The following CKAP5 variants were observed in gnomAD, a reference collection of about 807,000 sequenced individuals.
The protein encoded by CKAP5 is cytoskeleton-associated protein 5.
In CKAP5, 27 loss-of-function variants were observed where a neutral mutation model predicts 232.8. The observed-to-expected ratio is 0.12, with a 90% CI of 0.09 to 0.16. The LOEUF (loss-of-function observed/expected upper bound fraction) is 0.16, where lower values mean the gene tolerates loss of function less well. CKAP5 is among the 10% of genes least tolerant of loss of function. The pLI is 1.00. For synonymous variants in CKAP5, 785 were observed against 841.1 expected, an observed-to-expected ratio of 0.93 and a Z score of 1.16; for missense variants, 1,838 against 2,424.7, an observed-to-expected ratio of 0.76 and a Z score of 5.08.
chr11:46,786,468 A>G (rs151155009), intron 16 of CKAP5, among the ~76,000 whole-genome samples: 25 of 152,194 alleles, frequency 1.6e-4, no homozygotes, highest in African/African-American at 5.5e-4. Flanking sequence ...ATTTGACTGG[A>G]CTCTGGCTAG....
At chr11:46,781,249 CTT>C (rs1225742368) in intron 18 of CKAP5, among the ~76,000 whole-genome samples, 3 of 152,206 alleles carry the variant, frequency 2.0e-5, no homozygotes, top group Non-Finnish European at 2.9e-5. Flanking sequence ...TTGTCTCTCT[CTT>C]GTTCTATTCT....
At chr11:46,828,420 C>G (rs1388907525) in intron 1 of CKAP5, among the ~76,000 whole-genome samples, 1 of 152,196 alleles carries the variant, frequency 6.6e-6, no homozygotes, top group Non-Finnish European at 1.5e-5. Context: ...ATATTCCCAT[C>G]AAGCTTAACT....
intron 4 of CKAP5, among the ~76,000 whole-genome samples, chr11:46,811,900 C>A (rs746090198): frequency 6.6e-5 from 10 of 152,134 alleles, no homozygotes; most frequent in Non-Finnish European, 1.2e-4. Flanking sequence ...TAAAGTGATT[C>A]ATTTACCTAG....
At chr11:46,800,060 G>A (rs1938991310) in intron 9 of CKAP5, among the ~76,000 whole-genome samples, 1 of 151,712 alleles carries the variant, frequency 6.6e-6, no homozygotes, top group African/African-American at 2.4e-5. Flanking sequence ...GGAAAAAATT[G>A]TTTTTTATCT....
chr11:46,824,514 G>GA (rs1382775832), intron 1 of CKAP5, among the ~76,000 whole-genome samples: 1 of 152,166 alleles, frequency 6.6e-6, no homozygotes, highest in African/African-American at 2.4e-5. Flanking sequence ...TCAAAAGCTG[G>GA]AAACAGTTCA....
chr11:46,833,309 AC>A (rs1455911857), intron 1 of CKAP5, among the ~76,000 whole-genome samples: 1 of 152,158 alleles, frequency 6.6e-6, no homozygotes. Context: ...AGAGTAAAGA[AC>A]AAAAATATGA....
chr11:46,769,673 G>A (rs1018182664), intron 26 of CKAP5, among the ~76,000 whole-genome samples: 7 of 151,830 alleles, frequency 4.6e-5, no homozygotes, highest in African/African-American at 1.7e-4. Context: ...TCCCTCCTGG[G>A]TGACAGAGCA....
At chr11:46,788,302 C>T (rs1399623415) in intron 16 of CKAP5, among the ~76,000 whole-genome samples, 1 of 152,248 alleles carries the variant, frequency 6.6e-6, no homozygotes, top group East Asian at 1.9e-4. Flanking sequence ...AAGCTGGGCG[C>T]GGTGGCTCAC....
rs979927652 is a variant in CKAP5, at chr11:46,744,978, T to C, written c.5705-401A>G. ...AGATTAAGTTTGGACCAATGTCACATAGGAGAAACTCATTTGAACCTGTGA... is the reference window on the plus strand; with the variant it reads ...AGATTAAGTTTGGACCAATGTCACACAGGAGAAACTCATTTGAACCTGTGA... On this transcript the variant is annotated intron_variant, in intron 42 of 43. Coordinates refer to ENST00000529230, the MANE Select transcript of CKAP5 (RefSeq NM_001008938.4). 5.3e-5 allele frequency among the ~76,000 whole-genome samples: 8 copies of C among 152,182 alleles called. No individual in the cohort carries two copies. In the South Asian group the frequency reaches 1.0e-3, roughly 20 times the overall value.
In CKAP5 at chr11:46,744,220, C is replaced by G. The variant is rs779660608; in HGVS notation, c.5902G>C (p.Val1968Leu). ...TCTGTGGAAGAGGCGACAGTAGGAA[C>G]TGCTGGTTTGGAGAGCAAAGAGGTC... ...PLTSLLSKPAVPTVASSTDML... is the reference protein window; with the variant it reads ...PLTSLLSKPALPTVASSTDML... Residue 1968 changes from valine (V) to leucine (L), a missense_variant, in exon 44 of 44, where the codon GTT (valine) becomes CTT (leucine). Transcript: ENST00000529230. 1 of 1,614,096 alleles carries G rather than the reference C, an allele frequency of 6.2e-7. No homozygotes were observed. Among genetic ancestry groups the G allele is most frequent in the Non-Finnish European group, 8.5e-7 (1 of 1,180,024 alleles).
chr11:46,765,964 T>A (rs372678144), intron 27 of CKAP5, among the ~76,000 whole-genome samples: 1 of 152,330 alleles, frequency 6.6e-6, no homozygotes, highest in Admixed American at 6.5e-5. Context: ...ATCATAACAG[T>A]GTAACTGAAG....
intron 12 of CKAP5, 92 bp downstream of exon 12, chr11:46,796,720 C>A: frequency 1.4e-6 from 2 of 1,407,730 alleles, no homozygotes; most frequent in Non-Finnish European, 1.9e-6. Context: ...CTCATCAAAA[C>A]TACCAGTACT....
chr11:46,770,945 C>T lies in CKAP5; in HGVS notation c.3029G>A (p.Arg1010His). The change falls in exon 25 of 44, where the codon CGT becomes CAT. Residue 1010 changes from arginine (R) to histidine (H), a missense_variant. Coordinates refer to ENST00000529230, the MANE Select transcript of CKAP5 (RefSeq NM_001008938.4). ...AAGGATAAGGTCTGTAGGGGTGGAA[C>T]GAAGAGTAGGTAGTTTCTCAGCCAG... Reference protein sequence around the residue: ...GWLAEKLPTLRSTPTDLILCV... With the variant: ...GWLAEKLPTLHSTPTDLILCV... The T allele has an allele frequency of 1.2e-6, 2 of 1,613,650 alleles. No individual in the cohort carries two copies. The highest frequency in any genetic ancestry group is 1.7e-6 in the Non-Finnish European group (2 of 1,179,756).
At position 46,770,054 on chromosome 11, in the gene CKAP5, T is replaced by C. The variant is rs146251898; in HGVS notation, c.3231A>G (p.Lys1077=). Residue 1077 remains lysine (K), a synonymous_variant, in exon 26 of 44, where the codon AAA becomes AAG. Transcript: ENST00000529230. Reference sequence around the variant, plus strand: ...GAGCAGGCTTGGCTGGCATGTTAACTTTGGCTTTCTCTAGCATGGCCAATA... The same window carrying C: ...GAGCAGGCTTGGCTGGCATGTTAACCTTGGCTTTCTCTAGCATGGCCAATA... ...DQVLAMLEKA[K]VNMPAKPAPP... 2,074 of 1,614,152 alleles carry C rather than the reference T, an allele frequency of 1.3e-3. 2 individuals carry two copies. Among genetic ancestry groups the C allele is most frequent in the Non-Finnish European group, 1.4e-3 (1,669 of 1,180,000 alleles).
rs1230348977 is a variant in CKAP5 at position 46,816,343 on chromosome 11, C to A, written c.313G>T (p.Ala105Ser). The stretch of plus-strand genomic sequence containing the variant: ...CAGATCTCTATGCCCAGCTCCTTGG[C>A]TTTAGCTTTAGGTTGATTGAACACC... The part of the protein sequence containing the change: ...SKVFNQPKAK[A>S]KELGIEICLM... Residue 105 changes from alanine to serine, a missense_variant, in exon 4 of 44, where the codon GCC becomes TCC. Physicochemically the swap from Ala to Ser is moderately conservative, Grantham distance 99 (BLOSUM62 1). Transcript: ENST00000529230. The A allele has an allele frequency of 2.5e-6, 4 of 1,614,072 alleles. No individual in the cohort carries two copies. Among genetic ancestry groups the A allele is most frequent in the Non-Finnish European group, 2.5e-6 (3 of 1,180,006 alleles).
intron 1 of CKAP5, among the ~76,000 whole-genome samples, chr11:46,839,615 A>G (rs1014016187): frequency 6.6e-6 from 1 of 152,170 alleles, no homozygotes; most frequent in Non-Finnish European, 1.5e-5. Context: ...CTCCGATAGA[A>G]GTACTTTTTT....
chr11:46,804,655 T>C (rs1426385734), intron 8 of CKAP5, among the ~76,000 whole-genome samples: 1 of 151,976 alleles, frequency 6.6e-6, no homozygotes, highest in Non-Finnish European at 1.5e-5. Context: ...AAGCACACCG[T>C]TGACAGAGGA....
chr11:46,791,816 C>T (rs1039970632), intron 13 of CKAP5, among the ~76,000 whole-genome samples: 1 of 152,164 alleles, frequency 6.6e-6, no homozygotes, highest in African/African-American at 2.4e-5. Flanking sequence ...ACACACATCA[C>T]CATTCACATT....
chr11:46,760,534 T>G, intron 33 of CKAP5, 78 bp downstream of exon 33: 10 of 1,394,048 alleles, frequency 7.2e-6, no homozygotes, highest in Non-Finnish European at 1.0e-5. Context: ...AACTCAAGAT[T>G]ATGTTACAGG....
Sources: gnomAD v4.1 joint callset for allele counts (sites outside exome capture counted in the v4.1 genomes callset) on GRCh38, gnomAD v4.1.1 for gene constraint, MANE v1.5 for transcripts, NCBI Gene and HGNC (gene_info 2026-07-23, HGNC 2026-07-21) for gene names.